Variants in PDE1A observed in about 807,000 individuals in gnomAD.
PDE1A encodes the protein dual specificity calcium/calmodulin-dependent 3',5'-cyclic nucleotide phosphodiesterase 1A.
A neutral mutation model predicts 61.7 loss-of-function variants in PDE1A; 35 were observed. That is an observed-to-expected ratio of 0.57 (90% CI 0.43 to 0.75). PDE1A has a LOEUF of 0.75. Ranked by LOEUF, PDE1A falls within the 30% of genes least tolerant of loss-of-function variation. The probability of loss-of-function intolerance (pLI) is 0.00; values close to 1 mark genes in which losing one functional copy is unlikely to be tolerated. For synonymous variants in PDE1A, 232 were observed against 213.2 expected (o/e 1.09, Z -0.77); for missense variants, 597 against 630.6 (o/e 0.95, Z 0.57).
At chr2:182,521,659 T>C (rs1034604679) in intron 2 of PDE1A, among the ~76,000 whole-genome samples, 1 of 152,072 alleles carries the variant, frequency 6.6e-6, no homozygotes, top group African/African-American at 2.4e-5. Flanking sequence ...TCTTGACCCA[T>C]TTTACTAAGG....
intron 1 of PDE1A, among the ~76,000 whole-genome samples, chr2:182,317,044 A>G (rs566223437): frequency 6.6e-6 from 1 of 152,238 alleles, no homozygotes; most frequent in East Asian, 1.9e-4. Context: ...TCCAAATAAT[A>G]CATTTCTGGT....
the PDE1A span, among the ~76,000 whole-genome samples, chr2:182,684,400 A>T: frequency 6.6e-6 from 1 of 152,188 alleles, no homozygotes; most frequent in Non-Finnish European, 1.5e-5. Flanking sequence ...TATTTAAACT[A>T]AACAATTCTC....
intron 7 of PDE1A, among the ~76,000 whole-genome samples, chr2:182,218,005 A>G (rs1165811059): frequency 6.7e-6 from 1 of 149,890 alleles, no homozygotes; most frequent in East Asian, 2.0e-4. Flanking sequence ...AATAGCAAAG[A>G]CTTGGAACCA....
At chr2:182,323,774 G>A (rs956503874) in intron 1 of PDE1A, among the ~76,000 whole-genome samples, 15 of 152,018 alleles carry the variant, frequency 9.9e-5, no homozygotes, top group Admixed American at 9.2e-4. Context: ...CGAACTCTGA[G>A]GCACCCTGTT....
chr2:182,370,397 G>T (rs1018222666), intron 1 of PDE1A, among the ~76,000 whole-genome samples: 4 of 152,136 alleles, frequency 2.6e-5, no homozygotes, highest in African/African-American at 9.7e-5. Context: ...GAGGAAACTT[G>T]TAAAGATTTC....
the PDE1A span, among the ~76,000 whole-genome samples, chr2:182,635,692 C>CTT: frequency 7.2e-6 from 1 of 138,120 alleles, no homozygotes; most frequent in South Asian, 2.5e-4. Flanking sequence ...CTCTCTCTCT[C>CTT]TCTCTCTCCA....
At chr2:182,247,646 G>T (rs1241214087) in intron 2 of PDE1A, among the ~76,000 whole-genome samples, 1 of 152,054 alleles carries the variant, frequency 6.6e-6, no homozygotes, top group East Asian at 1.9e-4. Flanking sequence ...GACAGTGCAG[G>T]AACAAAAACT....
chr2:182,546,600 A>C, the PDE1A span, among the ~76,000 whole-genome samples: 2 of 152,204 alleles, frequency 1.3e-5, no homozygotes, highest in Non-Finnish European at 2.9e-5. Context: ...ACCCGTGAGG[A>C]GTGGTTCTCA....
intron 1 of PDE1A, among the ~76,000 whole-genome samples, chr2:182,346,145 T>C (rs1444375582): frequency 2.6e-5 from 4 of 152,208 alleles, no homozygotes; most frequent in Admixed American, 6.5e-5. Context: ...ATCTTCAGCA[T>C]TTATCTATTC....
chr2:182,394,759 T>G (rs1363040967), intron 1 of PDE1A, among the ~76,000 whole-genome samples: 1 of 152,218 alleles, frequency 6.6e-6, no homozygotes, highest in African/African-American at 2.4e-5. Flanking sequence ...TAGACATACT[T>G]AGCTGCTGGC....
At chr2:182,515,937 TGC>T (rs112292427) in intron 2 of PDE1A, among the ~76,000 whole-genome samples, 9,255 of 141,782 alleles carry the variant, frequency 0.065, 331 homozygotes, top group Middle Eastern at 0.1. Context: ...CTAGGGATTG[TGC>T]GTGTGTGTGT....
chr2:182,241,976 A>T, intron 2 of PDE1A: 3 of 1,479,748 alleles, frequency 2.0e-6, no homozygotes, highest in Non-Finnish European at 2.7e-6. Context: ...TGAAAATATC[A>T]CTACTTTAAA....
At chr2:182,616,880 T>A in the PDE1A span, among the ~76,000 whole-genome samples, 1 of 152,218 alleles carries the variant, frequency 6.6e-6, no homozygotes, top group Non-Finnish European at 1.5e-5. Context: ...CAGGTTGAGA[T>A]CCATTAAACC....
chr2:182,354,086 A>C (rs1413561054), intron 1 of PDE1A, among the ~76,000 whole-genome samples: 2 of 152,132 alleles, frequency 1.3e-5, no homozygotes, highest in Non-Finnish European at 2.9e-5. Context: ...GATGATACAC[A>C]AAGATGACAT....
chr2:182,302,360 CA>C (rs1695302077), intron 1 of PDE1A, among the ~76,000 whole-genome samples: 1 of 152,158 alleles, frequency 6.6e-6, no homozygotes, highest in African/African-American at 2.4e-5. Flanking sequence ...TGCAATAGCG[CA>C]AATGTGAGTC....
chr2:182,334,712 G>T (rs2124982783), intron 1 of PDE1A, among the ~76,000 whole-genome samples: 1 of 152,166 alleles, frequency 6.6e-6, no homozygotes, highest in African/African-American at 2.4e-5. Context: ...TTCAAAACCA[G>T]CACAAAAAAA....
At chr2:182,405,709 A>G (rs1246301685) in intron 1 of PDE1A, among the ~76,000 whole-genome samples, 1 of 152,180 alleles carries the variant, frequency 6.6e-6, no homozygotes, top group Non-Finnish European at 1.5e-5. Flanking sequence ...GACCTTCTGC[A>G]TAGCATAGTA....
At chr2:182,140,981 A>T in exon 15 of PDE1A, 1 of 150,846 alleles carries the variant, frequency 6.6e-6, no homozygotes. Flanking sequence ...TGTCTCTGGA[A>T]GTTTGGTCAC....
chr2:182,584,430 C>G, the PDE1A span, among the ~76,000 whole-genome samples: 3 of 152,272 alleles, frequency 2.0e-5, no homozygotes, highest in Non-Finnish European at 4.4e-5. Context: ...CTACCGCTGA[C>G]TATCTCTGTG....
Sources: allele counts gnomAD v4.1 joint callset (sites outside exome capture counted in the v4.1 genomes callset), GRCh38; gene constraint gnomAD v4.1.1; transcripts MANE v1.5; gene names NCBI Gene and HGNC (gene_info 2026-07-23, HGNC 2026-07-21).